The following RASL12 variants were observed in gnomAD, a reference collection of about 807,000 sequenced individuals.
RASL12 encodes the protein RAS like family 12.
RASL12 carries 16 observed loss-of-function variants against 22.9 expected under a neutral mutation model. The observed-to-expected ratio is 0.70, with a 90% CI of 0.47 to 1.06. The LOEUF (loss-of-function observed/expected upper bound fraction) is 1.06, where lower values mean the gene tolerates loss of function less well. Ranked by LOEUF, RASL12 falls within the 50% of genes least tolerant of loss-of-function variation. RASL12 has a pLI of 0.00. For missense variants in RASL12, 306 were observed against 353.1 expected, an observed-to-expected ratio of 0.87 and a Z score of 1.07; for synonymous variants, 159 against 152.2, an observed-to-expected ratio of 1.04 and a Z score of -0.33.
chr15:65,053,135 C>T (rs2086677955), downstream of RASL12: 2 of 1,614,128 alleles, frequency 1.2e-6, no homozygotes, highest in East Asian at 4.5e-5. Context: ...GTCAGTTTTC[C>T]TTCCGGATGT....
chr15:65,067,662 G>A (rs2086894674), intron 1 of RASL12, 71 bp downstream of exon 1: 1 of 1,471,206 alleles, frequency 6.8e-7, no homozygotes, highest in South Asian at 1.3e-5. Flanking sequence ...GCCCCCAAGA[G>A]CACAGCCCAC....
downstream of RASL12, chr15:65,052,858 C>T: frequency 1.0e-6 from 1 of 995,540 alleles, no homozygotes. Flanking sequence ...TAGTAGCTCC[C>T]AAACTGCATA....
intron 2 of RASL12, among the ~76,000 whole-genome samples, chr15:65,064,979 A>T (rs1420287232): frequency 6.6e-6 from 1 of 152,216 alleles, no homozygotes; most frequent in Non-Finnish European, 1.5e-5. Flanking sequence ...ATTTTAGGGT[A>T]AATCAGCCTC....
rs201776215 is a variant in RASL12 at position 65,058,495 on chromosome 15, G to T, written c.357C>A (p.His119Gln). 8.8e-5 allele frequency: 142 copies of T among 1,610,366 alleles called. No individual in the cohort carries two copies. Among genetic ancestry groups the T allele is most frequent in the Admixed American group, 1.2e-4 (7 of 59,768 alleles). The change falls in exon 4 of 5, where the codon CAC becomes CAA. Residue 119 changes from histidine to glutamine, a missense_variant. Physicochemically the swap from His to Gln is conservative, Grantham distance 24. Transcript: ENST00000220062. ...GGATGCTGCGCTGTGTCTCCTTCGC[G>T]TGCAAGGCAAGCAGCTCCAGGTAGC... ...SSSYLELLAL[H>Q]AKETQRSIPA...
intron 2 of RASL12, among the ~76,000 whole-genome samples, chr15:65,064,869 C>T (rs1176025603): frequency 6.6e-6 from 1 of 152,248 alleles, no homozygotes; most frequent in African/African-American, 2.4e-5. Context: ...GCTGAGATTA[C>T]AGGCATTAGC....
At chr15:65,051,559 G>T, downstream of RASL12, 1 of 1,613,792 alleles carries the variant, frequency 6.2e-7, no homozygotes, top group Non-Finnish European at 8.5e-7. Context: ...AGCTGTGGTG[G>T]TCATTATAAG....
At chr15:65,048,175 C>T in the RASL12 span, among the ~76,000 whole-genome samples, 4 of 139,414 alleles carry the variant, frequency 2.9e-5, no homozygotes, top group East Asian at 2.2e-4. Flanking sequence ...AGCAAGACTC[C>T]GTCTCAAAAG....
intron 1 of RASL12, among the ~76,000 whole-genome samples, chr15:65,065,862 T>A (rs2140530991): frequency 6.6e-6 from 1 of 152,270 alleles, no homozygotes; most frequent in Admixed American, 6.5e-5. Flanking sequence ...CTCTGGGGCC[T>A]CTACACTCAT....
At chr15:65,069,449 T>C (rs114718087), upstream of RASL12, among the ~76,000 whole-genome samples, 579 of 152,352 alleles carry the variant, frequency 3.8e-3, 4 homozygotes, top group African/African-American at 0.013. Flanking sequence ...CCTTTGGGGA[T>C]AGAACCAATC....
chr15:65,070,712 C>T (rs748787402), upstream of RASL12, among the ~76,000 whole-genome samples: 11 of 152,226 alleles, frequency 7.2e-5, no homozygotes, highest in Non-Finnish European at 1.3e-4. Context: ...CCACCCAACC[C>T]CCAGGAGCCC....
chr15:65,064,599 G>T (rs1044508012), intron 2 of RASL12, among the ~76,000 whole-genome samples: 1 of 150,656 alleles, frequency 6.6e-6, no homozygotes, highest in East Asian at 1.9e-4. Context: ...ATTTGTTTTT[G>T]AGTTTTTTTT....
intron 2 of RASL12, among the ~76,000 whole-genome samples, 170 bp downstream of exon 2, chr15:65,065,047 G>A (rs753730199): frequency 6.6e-6 from 1 of 152,226 alleles, no homozygotes; most frequent in East Asian, 1.9e-4. Context: ...TGTGGAAGGG[G>A]TATTTCTGAC....
chr15:65,067,808 C>T lies in RASL12; in HGVS notation c.28G>A (p.Ala10Thr). The T allele has an allele frequency of 6.3e-7, 1 of 1,575,302 alleles. No homozygotes were observed. MSSVFGKPR[A>T]GSGPQSAPLE... ...GGCGCGCTCTGAGGCCCGCTGCCCG[C>T]GCGGGGTTTTCCAAACACCGAGGAC... Residue 10 changes from alanine (A) to threonine (T), a missense_variant, in exon 1 of 5, where the codon GCG (alanine) becomes ACG (threonine). By Grantham distance (58) the Ala-to-Thr change is moderately conservative. Transcript: ENST00000220062.
downstream of RASL12, among the ~76,000 whole-genome samples, chr15:65,050,653 G>A (rs1231003508): frequency 1.3e-5 from 2 of 152,088 alleles, no homozygotes; most frequent in Non-Finnish European, 2.9e-5. Context: ...CATTCCTGGA[G>A]GGAGGACAGC....
chr15:65,048,228 T>A, the RASL12 span, among the ~76,000 whole-genome samples: 2 of 152,102 alleles, frequency 1.3e-5, no homozygotes, highest in African/African-American at 4.8e-5. Flanking sequence ...GGTCTTTTTT[T>A]CTCCCTGACT....
At chr15:65,070,826 A>C (rs530449332), upstream of RASL12, among the ~76,000 whole-genome samples, 1 of 152,348 alleles carries the variant, frequency 6.6e-6, no homozygotes, top group South Asian at 2.1e-4. Flanking sequence ...ATAAATTCAC[A>C]TGTCAAAGGG....
chr15:65,067,116 G>C (rs568315657), intron 1 of RASL12, among the ~76,000 whole-genome samples: 2 of 152,296 alleles, frequency 1.3e-5, no homozygotes, highest in African/African-American at 2.4e-5. Flanking sequence ...CCAGGGAATG[G>C]GGGTGGGAGT....
the RASL12 span, among the ~76,000 whole-genome samples, chr15:65,047,771 T>C: frequency 6.7e-6 from 1 of 148,270 alleles, no homozygotes; most frequent in South Asian, 2.2e-4. Flanking sequence ...GGCAGATAGA[T>C]AGATAGACAG....
Position 65,059,280 on chromosome 15 carries a change from G to A in RASL12, c.234+65C>T, listed in dbSNP as rs934032344. 8 of 1,426,364 alleles carry A rather than the reference G, an allele frequency of 5.6e-6. No homozygotes were observed. The African/African-American group carries it at 5.6e-5, about 10-fold the overall frequency. The allele number at this position is 1,426,364 out of a possible 1,614,324, so 88.4% of individuals were successfully genotyped here. A position where few individuals can be genotyped will look rare whatever the true frequency, so the allele number is the denominator to read the frequency against. ...TGCCTATCTGAGGTCCCGCACTCTG[G>A]GCCAGGACTTCTCAGGAGGCTATAC... On this transcript the variant is annotated intron_variant, in intron 3 of 4. Coordinates refer to ENST00000220062, the MANE Select transcript of RASL12 (RefSeq NM_016563.4).
Sources: gnomAD v4.1 joint callset for allele counts (sites outside exome capture counted in the v4.1 genomes callset) on GRCh38, gnomAD v4.1.1 for gene constraint, MANE v1.5 for transcripts, NCBI Gene and HGNC (gene_info 2026-07-23, HGNC 2026-07-21) for gene names.